GFRA1: variants seen among roughly 807,000 people sequenced by gnomAD.
GFRA1 encodes GDNF family receptor alpha 1.
A neutral mutation model predicts 51.6 loss-of-function variants in GFRA1; 16 were observed. The observed-to-expected ratio is 0.31, with a 90% CI of 0.21 to 0.47. The LOEUF is 0.47. Among genes scored for constraint, GFRA1 ranks in the 20% least tolerant of loss-of-function variants. The pLI is 1.00. For synonymous variants in GFRA1, 270 were observed against 241.3 expected (o/e 1.12, Z -1.10); for missense variants, 530 against 594.3 (o/e 0.89, Z 1.13).
intron 6 of GFRA1, among the ~76,000 whole-genome samples, chr10:116,098,563 A>C (rs1414380763): frequency 6.6e-6 from 1 of 152,170 alleles, no homozygotes; most frequent in Admixed American, 6.5e-5. Context: ...GGCCAACTGC[A>C]AGTTCAGGCA....
intron 5 of GFRA1, among the ~76,000 whole-genome samples, chr10:116,168,109 AAG>A (rs1323236767): frequency 1.3e-5 from 2 of 151,268 alleles, no homozygotes; most frequent in Non-Finnish European, 2.9e-5. Context: ...ATACATAAAT[AAG>A]AGTCAGTGGT....
rs1052757375 is a variant in GFRA1, at chr10:116,063,760, A to G, written c.*638T>C. The G allele has an allele frequency of 1.3e-5, 2 of 152,420 alleles. No individual in the cohort carries two copies. Among genetic ancestry groups the G allele is most frequent in the African/African-American group, 4.8e-5 (2 of 41,454 alleles). The allele number at this position is 152,420 out of a possible 1,614,324, so 9.4% of individuals were successfully genotyped here. A position where few individuals can be genotyped will look rare whatever the true frequency, so the allele number is the denominator to read the frequency against. Reference sequence around the variant, plus strand: ...GACAGATACTATATTTGGATGTGACAGGTGTTTTTTCTTTTGTACAAGAGT... The same window carrying G: ...GACAGATACTATATTTGGATGTGACGGGTGTTTTTTCTTTTGTACAAGAGT... On this transcript the variant is annotated 3_prime_UTR_variant, in exon 11 of 11. Transcript: ENST00000355422.
At chr10:116,147,323 G>A (rs1000125996) in intron 5 of GFRA1, among the ~76,000 whole-genome samples, 1 of 152,162 alleles carries the variant, frequency 6.6e-6, no homozygotes, top group Admixed American at 6.5e-5. Context: ...GGAGTAGTAG[G>A]AGGGGCAGCC....
rs187958457 is a variant in GFRA1 at position 116,086,803 on chromosome 10, C to T, written c.1197+2938G>A. ...TAAACAGCAGCCCAGAGATAAACGT[C>T]ATGCTTTACTTTTTGTTTTCTGTTT... On this transcript the variant is annotated intron_variant, in intron 9 of 10. Transcript: ENST00000355422. 6.3e-3 allele frequency among the ~76,000 whole-genome samples: 965 copies of T among 152,250 alleles called. 11 individuals are homozygous for T. The highest frequency in any genetic ancestry group is 0.022 in the African/African-American group (927 of 41,548).
intron 4 of GFRA1, among the ~76,000 whole-genome samples, chr10:116,262,511 A>G (rs1262661242): frequency 1.0e-5 from 1 of 97,468 alleles, no homozygotes; most frequent in Non-Finnish European, 2.5e-5. Flanking sequence ...AAAAAAAAAT[A>G]TATGTATACA....
chr10:116,132,418 C>G (rs999151653), intron 5 of GFRA1, among the ~76,000 whole-genome samples: 4 of 151,974 alleles, frequency 2.6e-5, no homozygotes, highest in Admixed American at 2.0e-4. Context: ...TATGCATTAA[C>G]CATATTTTTT....
chr10:116,158,707 C>T (rs1004012378), intron 5 of GFRA1, among the ~76,000 whole-genome samples: 2 of 152,176 alleles, frequency 1.3e-5, no homozygotes, highest in East Asian at 1.9e-4. Context: ...CAAGGAAGTC[C>T]GGGAGATTCT....
At chr10:116,271,161 C>G in intron 2 of GFRA1, 46 bp from the exon 3 acceptor site, 1 of 1,541,048 alleles carries the variant, frequency 6.5e-7, no homozygotes, top group South Asian at 1.2e-5. Flanking sequence ...GGCGGGGACC[C>G]CGGCCGCCCC....
At chr10:116,094,111 T>C (rs760819427) in intron 7 of GFRA1, among the ~76,000 whole-genome samples, 24 of 152,038 alleles carry the variant, frequency 1.6e-4, no homozygotes, top group Non-Finnish European at 3.1e-4. Flanking sequence ...TGTCGTGGAG[T>C]AGGAAAGAAT....
intron 9 of GFRA1, among the ~76,000 whole-genome samples, chr10:116,080,581 G>A (rs917675020): frequency 1.3e-5 from 2 of 152,214 alleles, no homozygotes; most frequent in South Asian, 2.1e-4. Flanking sequence ...CTGATGAGGC[G>A]TTGTTGTATA....
chr10:116,226,545 C>A (rs2134532730), intron 4 of GFRA1, among the ~76,000 whole-genome samples: 1 of 152,218 alleles, frequency 6.6e-6, no homozygotes, highest in Middle Eastern at 3.4e-3. Flanking sequence ...TTTGCTTCTG[C>A]TTCTCTAGAT....
At chr10:116,128,422 T>C (rs115936221) in intron 5 of GFRA1, among the ~76,000 whole-genome samples, 2,116 of 152,198 alleles carry the variant, frequency 0.014, 54 homozygotes, top group African/African-American at 0.048. Context: ...ATACACAGGC[T>C]TAAAAAAAAA....
Position 116,105,745 on chromosome 10 carries a change from G to A in GFRA1, c.771-8981C>T, listed in dbSNP as rs1565578915. On this transcript the variant is annotated intron_variant, in intron 6 of 10. Coordinates refer to ENST00000355422, the MANE Select transcript of GFRA1 (RefSeq NM_005264.8). ...GATTTCCAGCAACCACTGGGAAGGG[G>A]GTTAAGATATTCATAACTAATTCCA... 3.9e-5 allele frequency among the ~76,000 whole-genome samples: 6 copies of A among 152,098 alleles called. No homozygotes were observed. The South Asian group carries it at 1.0e-3, about 26-fold the overall frequency.
At chr10:116,223,699 G>A (rs2134512465) in intron 4 of GFRA1, among the ~76,000 whole-genome samples, 1 of 152,344 alleles carries the variant, frequency 6.6e-6, no homozygotes, top group Admixed American at 6.5e-5. Context: ...TCAGCAAGCA[G>A]TAAATGTGAT....
chr10:116,189,556 A>T (rs112800965), intron 5 of GFRA1, among the ~76,000 whole-genome samples: 93 of 152,312 alleles, frequency 6.1e-4, no homozygotes, highest in African/African-American at 2.2e-3. Flanking sequence ...TAAATGAACT[A>T]TCTTAAGTTT....
At chr10:116,235,443 C>A (rs978371051) in intron 4 of GFRA1, among the ~76,000 whole-genome samples, 1 of 152,130 alleles carries the variant, frequency 6.6e-6, no homozygotes, top group Non-Finnish European at 1.5e-5. Context: ...TAAAGTCCTG[C>A]ACCAAAACTG....
intron 5 of GFRA1, among the ~76,000 whole-genome samples, chr10:116,186,972 C>T (rs1349505947): frequency 1.3e-5 from 2 of 152,186 alleles, no homozygotes; most frequent in African/African-American, 4.8e-5. Flanking sequence ...AGGGTCACGT[C>T]TCGGTCCCTT....
At chr10:116,189,934 T>A (rs1963096452) in intron 5 of GFRA1, among the ~76,000 whole-genome samples, 1 of 151,998 alleles carries the variant, frequency 6.6e-6, no homozygotes, top group Non-Finnish European at 1.5e-5. Context: ...GTGAAGATGG[T>A]CAAAGCTCTC....
chr10:116,250,973 C>T (rs563407107), intron 4 of GFRA1, among the ~76,000 whole-genome samples: 41 of 152,224 alleles, frequency 2.7e-4, no homozygotes, highest in Non-Finnish European at 4.7e-4. Flanking sequence ...AGCAGGTGCT[C>T]AGAATGGCCA....
Sources: gnomAD v4.1 joint callset for allele counts (sites outside exome capture counted in the v4.1 genomes callset) on GRCh38, gnomAD v4.1.1 for gene constraint, MANE v1.5 for transcripts, NCBI Gene and HGNC (gene_info 2026-07-23, HGNC 2026-07-21) for gene names.